Variants in EYS observed in about 807,000 individuals in gnomAD.
EYS encodes EGF-like photoreceptor maintenance factor.
EYS carries 250 observed loss-of-function variants against 282.1 expected under a neutral mutation model. The observed-to-expected ratio is 0.89, with a 90% confidence interval of 0.80 to 0.98. EYS has a LOEUF of 0.98. Among genes scored for constraint, EYS ranks in the 50% least tolerant of loss-of-function variants. The probability of loss-of-function intolerance (pLI) is 0.00; values close to 1 mark genes in which losing one functional copy is unlikely to be tolerated. For synonymous variants in EYS, 1,355 were observed against 1,282.9 expected (o/e 1.06, Z -1.20); for missense variants, 4,016 against 3,709.0 (o/e 1.08, Z -2.15).
At chr6:65,472,942 T>G (rs1303894745) in intron 5 of EYS, among the ~76,000 whole-genome samples, 2 of 151,950 alleles carry the variant, frequency 1.3e-5, no homozygotes, top group East Asian at 3.9e-4. Flanking sequence ...TATGCTTTCA[T>G]AAGCAATGAC....
chr6:64,031,944 T>C (rs1216661098), intron 33 of EYS, among the ~76,000 whole-genome samples: 1 of 152,148 alleles, frequency 6.6e-6, no homozygotes, highest in East Asian at 1.9e-4. Context: ...CCTTCCACAC[T>C]GTGGAAGCTT....
At position 64,821,740 on chromosome 6, in the gene EYS, G is replaced by A. The variant is rs1225700145; in HGVS notation, c.3165-17C>T. 2.1e-6 allele frequency: 3 copies of A among 1,397,430 alleles called. No homozygotes were observed. The highest frequency in any genetic ancestry group is 2.5e-5 in the East Asian group (1 of 39,762). The allele number at this position is 1,397,430 out of a possible 1,614,324, so 86.6% of individuals were successfully genotyped here. ...TCTGTGCACCTGAAACACAGAATTA[G>A]AATTACATTTTCAAATAAGTAGATG... On this transcript the variant is annotated splice_polypyrimidine_tract_variant and intron_variant, in intron 20 of 42. Coordinates refer to ENST00000503581, the MANE Select transcript of EYS (RefSeq NM_001142800.2).
intron 32 of EYS, among the ~76,000 whole-genome samples, chr6:64,078,368 A>G (rs1771843456): frequency 2.0e-5 from 3 of 152,056 alleles, no homozygotes; most frequent in Non-Finnish European, 4.4e-5. Flanking sequence ...TTCAAAGTAA[A>G]TGCAATTATC....
intron 20 of EYS, among the ~76,000 whole-genome samples, chr6:64,822,240 A>G (rs529272164): frequency 4.6e-5 from 7 of 152,182 alleles, no homozygotes; most frequent in African/African-American, 1.4e-4. Flanking sequence ...TCATAGAGTC[A>G]TAAAATACTT....
At position 64,410,068 on chromosome 6, in the gene EYS, C is replaced by A. The variant is rs138885350; in HGVS notation, c.5928-21228G>T. Among the ~76,000 whole-genome samples the A allele has an allele frequency of 8.6e-3, 1,312 of 151,968 alleles. 26 individuals are homozygous for A. Among genetic ancestry groups the A allele is most frequent in the African/African-American group, 0.029 (1,202 of 41,484 alleles). On this transcript the variant is annotated intron_variant, in intron 28 of 42. Coordinates refer to ENST00000503581, the MANE Select transcript of EYS (RefSeq NM_001142800.2). ...GCATTTATAATTGTAAAAATTAGGG[C>A]ATTCATGGACTCTTAAGATTTAATA...
chr6:63,862,116 C>T (rs1772550152), intron 36 of EYS, among the ~76,000 whole-genome samples: 1 of 152,140 alleles, frequency 6.6e-6, no homozygotes, highest in Admixed American at 6.6e-5. Flanking sequence ...GTACAAATAT[C>T]TCCTCCTCTG....
intron 22 of EYS, among the ~76,000 whole-genome samples, chr6:64,789,331 A>T (rs1774112825): frequency 6.6e-6 from 1 of 152,134 alleles, no homozygotes; most frequent in South Asian, 2.1e-4. Flanking sequence ...GATTACATTC[A>T]ATTTATGATA....
rs1366644413 is a variant in EYS, at chr6:65,244,767, CCGCCTCGGCCTTCCAAAG to C, written c.2023+51078_2023+51095del. 4.6e-5 allele frequency among the ~76,000 whole-genome samples: 7 copies of C among 152,036 alleles called. No homozygotes were observed. The South Asian group carries it at 1.5e-3, about 32-fold the overall frequency. On this transcript the variant is annotated intron_variant, in intron 12 of 42. Coordinates refer to ENST00000503581, the MANE Select transcript of EYS (RefSeq NM_001142800.2). ...TCTATCTCCTGACCTGCTGATCCGC[CCGCCTCGGCCTTCCAAAG>C]TGCTGGGATTACAGGCTTGAGCCAC... is the stretch of plus-strand genomic sequence containing the variant.
At chr6:65,462,394 C>G (rs945109930) in intron 5 of EYS, among the ~76,000 whole-genome samples, 5 of 151,980 alleles carry the variant, frequency 3.3e-5, no homozygotes, top group Non-Finnish European at 7.4e-5. Flanking sequence ...ACGGTGATTA[C>G]ACAAATCTTT....
intron 12 of EYS, among the ~76,000 whole-genome samples, chr6:65,078,316 G>A (rs1774119315): frequency 6.6e-6 from 1 of 152,048 alleles, no homozygotes; most frequent in Non-Finnish European, 1.5e-5. Flanking sequence ...TATTACAGTA[G>A]AAATTAAATA....
intron 31 of EYS, among the ~76,000 whole-genome samples, chr6:64,125,176 C>T (rs758176844): frequency 2.7e-5 from 4 of 147,948 alleles, no homozygotes; most frequent in South Asian, 2.1e-4. Context: ...CTCTCTCTCT[C>T]GCTCTCTCTC....
intron 14 of EYS, among the ~76,000 whole-genome samples, chr6:64,982,130 A>C (rs1770695648): frequency 6.6e-6 from 1 of 151,364 alleles, no homozygotes. Flanking sequence ...AAATATAATG[A>C]TTCAGTAAGC....
intron 1 of EYS, among the ~76,000 whole-genome samples, chr6:65,704,297 A>G (rs1295020017): frequency 6.6e-6 from 1 of 152,208 alleles, no homozygotes; most frequent in Non-Finnish European, 1.5e-5. Flanking sequence ...TATTGTCTCC[A>G]TTTCATAAAA....
intron 15 of EYS, among the ~76,000 whole-genome samples, chr6:64,926,578 T>G (rs1419164777): frequency 7.9e-5 from 12 of 152,158 alleles, no homozygotes; most frequent in Non-Finnish European, 1.5e-5. Flanking sequence ...TCTCATGCAC[T>G]GGGGATTCAC....
At chr6:64,607,857 T>C (rs959786942) in intron 24 of EYS, among the ~76,000 whole-genome samples, 7 of 152,132 alleles carry the variant, frequency 4.6e-5, no homozygotes, top group African/African-American at 1.7e-4. Flanking sequence ...TTGCTATCTA[T>C]GAATAAGCGA....
At chr6:64,672,464 C>A (rs2149897286) in intron 22 of EYS, among the ~76,000 whole-genome samples, 1 of 152,190 alleles carries the variant, frequency 6.6e-6, no homozygotes, top group Non-Finnish European at 1.5e-5. Flanking sequence ...GGGATTTGAA[C>A]CTCCCTCAAG....
chr6:64,553,546 C>T (rs1319193099), intron 26 of EYS, among the ~76,000 whole-genome samples: 1 of 34,032 alleles, frequency 2.9e-5, no homozygotes, highest in Non-Finnish European at 5.0e-5. Flanking sequence ...TTTTGTTTGA[C>T]CCCCCCCCCC....
At chr6:64,114,050 GA>G (rs911319425) in intron 31 of EYS, among the ~76,000 whole-genome samples, 3 of 151,900 alleles carry the variant, frequency 2.0e-5, no homozygotes, top group Admixed American at 6.6e-5. Flanking sequence ...GCCCTTTACA[GA>G]AAAAAACTTA....
At chr6:65,150,035 T>C (rs1764573996) in intron 12 of EYS, among the ~76,000 whole-genome samples, 1 of 151,930 alleles carries the variant, frequency 6.6e-6, no homozygotes. Flanking sequence ...GAGAACTCAC[T>C]ATCATGAGAA....
Sources: gnomAD v4.1 joint callset for allele counts (sites outside exome capture counted in the v4.1 genomes callset) on GRCh38, gnomAD v4.1.1 for gene constraint, MANE v1.5 for transcripts, NCBI Gene and HGNC (gene_info 2026-07-23, HGNC 2026-07-21) for gene names.